The following PRR16 variants were observed in gnomAD, a reference collection of about 807,000 sequenced individuals.
PRR16 encodes the protein proline rich 16.
In PRR16, 6 loss-of-function variants were observed where a neutral mutation model predicts 18.2. The ratio of observed to expected loss-of-function variants is 0.33; its 90% CI spans 0.18 to 0.65. The LOEUF (loss-of-function observed/expected upper bound fraction) is 0.65. Ranked by LOEUF, PRR16 falls within the 30% of genes least tolerant of loss-of-function variation. PRR16 has a pLI of 0.74. For synonymous variants in PRR16, 151 were observed against 147.8 expected (o/e 1.02, Z -0.16); for missense variants, 412 against 376.6 (o/e 1.09, Z -0.78).
At chr5:120,479,700 A>G (rs1287059371) in intron 1 of PRR16, among the ~76,000 whole-genome samples, 1 of 148,348 alleles carries the variant, frequency 6.7e-6, no homozygotes, top group Non-Finnish European at 1.5e-5. Context: ...TTACATTGTA[A>G]AAGTAACTTA....
At chr5:120,474,684 C>T (rs998288860) in intron 1 of PRR16, among the ~76,000 whole-genome samples, 2 of 151,834 alleles carry the variant, frequency 1.3e-5, no homozygotes, top group Non-Finnish European at 2.9e-5. Flanking sequence ...ATATGCCTTC[C>T]AATTTCCATC....
chr5:120,613,870 G>A (rs75515699), intron 1 of PRR16, among the ~76,000 whole-genome samples: 1 of 152,132 alleles, frequency 6.6e-6, no homozygotes, highest in South Asian at 2.1e-4. Context: ...CTTTAGTTGT[G>A]TTTAGGCAAT....
intron 1 of PRR16, among the ~76,000 whole-genome samples, chr5:120,678,448 AAATTCTTAGTG>A (rs779334485): frequency 7.9e-5 from 12 of 152,202 alleles, no homozygotes; most frequent in Non-Finnish European, 1.5e-4. Context: ...CTCACTAGGC[AAATTCTTAGTG>A]AATTCTTACT....
At chr5:120,558,188 A>C (rs1327613800) in intron 1 of PRR16, among the ~76,000 whole-genome samples, 1 of 151,846 alleles carries the variant, frequency 6.6e-6, no homozygotes, top group Non-Finnish European at 1.5e-5. Context: ...GCAATTTTAA[A>C]TTATTTTGAC....
intron 1 of PRR16, among the ~76,000 whole-genome samples, chr5:120,518,949 T>A (rs559089260): frequency 3.3e-5 from 5 of 152,296 alleles, no homozygotes; most frequent in Non-Finnish European, 7.4e-5. Flanking sequence ...AATAAACTTA[T>A]CTTGTTTAAG....
the PRR16 span, among the ~76,000 whole-genome samples, chr5:120,728,434 G>T: frequency 6.6e-6 from 1 of 151,468 alleles, no homozygotes; most frequent in African/African-American, 2.4e-5. Flanking sequence ...AATTCTTAAA[G>T]TTATTAAATT....
the PRR16 span, among the ~76,000 whole-genome samples, chr5:120,723,736 G>A: frequency 2.2e-3 from 328 of 151,888 alleles, 2 homozygotes; most frequent in African/African-American, 6.7e-3. Flanking sequence ...GACATTCCAG[G>A]CCATGTACTT....
chr5:120,780,521 A>G, the PRR16 span, among the ~76,000 whole-genome samples: 2 of 152,132 alleles, frequency 1.3e-5, no homozygotes, highest in Non-Finnish European at 2.9e-5. Flanking sequence ...TTCGTTTTAC[A>G]TCATTTACTC....
the PRR16 span, among the ~76,000 whole-genome samples, chr5:120,730,371 G>A: frequency 6.6e-6 from 1 of 152,118 alleles, no homozygotes; most frequent in Non-Finnish European, 1.5e-5. Flanking sequence ...TCCTGTTATT[G>A]CACAACTTGT....
chr5:120,608,797 C>A (rs1754239853), intron 1 of PRR16, among the ~76,000 whole-genome samples: 1 of 152,100 alleles, frequency 6.6e-6, no homozygotes. Flanking sequence ...GATCCAGGTT[C>A]TATTTGTATT....
chr5:120,689,692 T>TA (rs1757187529), downstream of PRR16, among the ~76,000 whole-genome samples: 1 of 151,716 alleles, frequency 6.6e-6, no homozygotes, highest in Non-Finnish European at 1.5e-5. Flanking sequence ...ATCCATACTG[T>TA]AAAAATAGGA....
At chr5:120,478,351 C>G (rs2655069) in intron 1 of PRR16, among the ~76,000 whole-genome samples, 43,974 of 151,988 alleles carry the variant, frequency 0.29, 7,370 homozygotes, top group African/African-American at 0.46. Flanking sequence ...GGCGGGAGCT[C>G]TTGTTTCTCC....
At chr5:120,699,944 T>C in the PRR16 span, among the ~76,000 whole-genome samples, 3 of 152,318 alleles carry the variant, frequency 2.0e-5, no homozygotes, top group East Asian at 1.9e-4. Context: ...ATGGGGGCTG[T>C]CTGTGAAGCT....
chr5:120,697,151 A>C, the PRR16 span, among the ~76,000 whole-genome samples: 3 of 152,342 alleles, frequency 2.0e-5, no homozygotes, highest in Admixed American at 6.5e-5. Context: ...TTTTCCTCCC[A>C]GGAAGCATAT....
the PRR16 span, among the ~76,000 whole-genome samples, chr5:120,792,917 C>T: frequency 2.0e-5 from 3 of 152,088 alleles, no homozygotes; most frequent in African/African-American, 2.4e-5. Flanking sequence ...TTCGAGAGGC[C>T]GAGGCCAGGG....
intron 1 of PRR16, among the ~76,000 whole-genome samples, chr5:120,620,529 G>A (rs1754654660): frequency 6.6e-6 from 1 of 152,140 alleles, no homozygotes; most frequent in Non-Finnish European, 1.5e-5. Context: ...AACTTGCTGT[G>A]ATAGCAATGA....
intron 1 of PRR16, among the ~76,000 whole-genome samples, chr5:120,552,161 C>T (rs300975): frequency 0.99 from 150,211 of 152,032 alleles, 74,229 homozygotes; most frequent in East Asian, 1. Flanking sequence ...CTCTGAAGTT[C>T]ATACTGAGTC....
chr5:120,482,117 T>G (rs1749637902), intron 1 of PRR16, among the ~76,000 whole-genome samples: 1 of 152,198 alleles, frequency 6.6e-6, no homozygotes. Flanking sequence ...ATATTTTGTT[T>G]CTTTTTTAAA....
At chr5:120,508,207 A>G (rs935682039) in intron 1 of PRR16, among the ~76,000 whole-genome samples, 1 of 152,046 alleles carries the variant, frequency 6.6e-6, no homozygotes, top group Non-Finnish European at 1.5e-5. Flanking sequence ...ATGCAAGGAG[A>G]CAAAACTTCC....
Sources: gnomAD v4.1 joint callset for allele counts (sites outside exome capture counted in the v4.1 genomes callset) on GRCh38, gnomAD v4.1.1 for gene constraint, MANE v1.5 for transcripts, NCBI Gene and HGNC (gene_info 2026-07-23, HGNC 2026-07-21) for gene names.